SGCZ: variants seen among roughly 807,000 people sequenced by gnomAD.
SGCZ encodes zeta-sarcoglycan.
SGCZ carries 40 observed loss-of-function variants against 41.3 expected under a neutral mutation model. That is an observed-to-expected ratio of 0.97 (90% confidence interval 0.75 to 1.26). The LOEUF (loss-of-function observed/expected upper bound fraction) is 1.26, where lower values mean the gene tolerates loss of function less well. Ranked by LOEUF, SGCZ falls within the 50% of genes most tolerant of loss-of-function variation. The pLI is 0.00. For missense variants in SGCZ, 552 were observed against 369.8 expected (o/e 1.49, Z -4.04); for synonymous variants, 206 against 137.5 (o/e 1.50, Z -3.49).
rs115112534 is a variant in SGCZ at position 15,176,469 on chromosome 8, T to C, written c.39+61116A>G. Among the ~76,000 whole-genome samples, 1,114 of 152,296 alleles carry C rather than the reference T, an allele frequency of 7.3e-3. 13 individuals are homozygous for C. The highest frequency in any genetic ancestry group is 0.026 in the African/African-American group (1,067 of 41,558). ...GACTTTCTATGTTTAGAAAGCATAA[T>C]ACTGTATGTGAATATACCAAGCGGT... On this transcript the variant is annotated intron_variant, in intron 1 of 7. Transcript: ENST00000382080.
At chr8:14,340,718 T>C (rs1172676914) in intron 2 of SGCZ, among the ~76,000 whole-genome samples, 1 of 152,196 alleles carries the variant, frequency 6.6e-6, no homozygotes, top group Non-Finnish European at 1.5e-5. Context: ...AGAAAATCTC[T>C]GATAAATAAT....
chr8:14,530,772 C>T (rs1803104206), intron 2 of SGCZ, among the ~76,000 whole-genome samples: 1 of 146,246 alleles, frequency 6.8e-6, no homozygotes, highest in African/African-American at 2.4e-5. Flanking sequence ...CCCTTTAGCC[C>T]AGAAGCTCAA....
intron 1 of SGCZ, among the ~76,000 whole-genome samples, chr8:15,201,128 C>A (rs975076209): frequency 6.6e-6 from 1 of 152,136 alleles, no homozygotes; most frequent in African/African-American, 2.4e-5. Context: ...GCGATTCTCC[C>A]ACATCAGCCT....
intron 1 of SGCZ, among the ~76,000 whole-genome samples, chr8:15,143,266 T>A (rs1798946190): frequency 6.6e-6 from 1 of 152,174 alleles, no homozygotes; most frequent in Non-Finnish European, 1.5e-5. Context: ...AGAGGAACCT[T>A]ATATATCGGT....
chr8:15,155,929 A>T (rs268418), intron 1 of SGCZ, among the ~76,000 whole-genome samples: 1 of 151,684 alleles, frequency 6.6e-6, no homozygotes, highest in Admixed American at 6.6e-5. Flanking sequence ...GTAGTGGCGC[A>T]CACCTGTAGT....
At chr8:14,398,771 G>C (rs1401475981) in intron 2 of SGCZ, among the ~76,000 whole-genome samples, 2 of 152,088 alleles carry the variant, frequency 1.3e-5, no homozygotes, top group East Asian at 3.9e-4. Context: ...ATAATGTCCA[G>C]CATTGATGTT....
chr8:14,245,343 G>C (rs1407327942), intron 3 of SGCZ, among the ~76,000 whole-genome samples: 2 of 152,160 alleles, frequency 1.3e-5, no homozygotes, highest in Non-Finnish European at 2.9e-5. Flanking sequence ...AAGCAATGGG[G>C]AAAGGATTCC....
At chr8:14,172,592 C>A (rs1341386979) in intron 4 of SGCZ, among the ~76,000 whole-genome samples, 2 of 151,994 alleles carry the variant, frequency 1.3e-5, no homozygotes, top group African/African-American at 4.8e-5. Flanking sequence ...AATTGTCTTT[C>A]AGATATTAGA....
At chr8:14,785,170 G>C (rs1800730727) in intron 1 of SGCZ, among the ~76,000 whole-genome samples, 1 of 151,070 alleles carries the variant, frequency 6.6e-6, no homozygotes, top group South Asian at 2.1e-4. Flanking sequence ...AGTGTTTTAT[G>C]TTTACTTGAT....
intron 1 of SGCZ, among the ~76,000 whole-genome samples, chr8:15,088,072 T>G (rs543913588): frequency 2.0e-5 from 3 of 152,224 alleles, no homozygotes; most frequent in African/African-American, 7.2e-5. Flanking sequence ...CCAATCATAC[T>G]GAATAGAAAA....
chr8:15,157,632 G>C (rs1400609692), intron 1 of SGCZ, among the ~76,000 whole-genome samples: 2 of 152,048 alleles, frequency 1.3e-5, no homozygotes, highest in Admixed American at 6.6e-5. Context: ...TACAGCTCTG[G>C]AACAAGTGAA....
chr8:14,350,996 C>T (rs903611119), intron 2 of SGCZ, among the ~76,000 whole-genome samples: 2 of 152,106 alleles, frequency 1.3e-5, no homozygotes, highest in African/African-American at 2.4e-5. Flanking sequence ...TCTATGCATG[C>T]GTAGGGTCAG....
At chr8:14,296,652 A>G (rs1162910005) in intron 3 of SGCZ, among the ~76,000 whole-genome samples, 1 of 152,180 alleles carries the variant, frequency 6.6e-6, no homozygotes, top group Non-Finnish European at 1.5e-5. Context: ...AATTCAAGGT[A>G]GACTAGGGTA....
intron 1 of SGCZ, among the ~76,000 whole-genome samples, chr8:14,848,405 T>C (rs1327528802): frequency 1.3e-5 from 2 of 152,122 alleles, no homozygotes; most frequent in African/African-American, 2.4e-5. Flanking sequence ...AAACAACGTT[T>C]AAAAAGAGGA....
At chr8:14,853,025 C>T (rs1803392599) in intron 1 of SGCZ, among the ~76,000 whole-genome samples, 1 of 152,180 alleles carries the variant, frequency 6.6e-6, no homozygotes, top group Admixed American at 6.6e-5. Context: ...GCCAGCTCTG[C>T]TTCTGAGGAT....
intron 1 of SGCZ, among the ~76,000 whole-genome samples, chr8:15,091,261 C>A (rs1276916816): frequency 6.6e-6 from 1 of 152,066 alleles, no homozygotes; most frequent in Non-Finnish European, 1.5e-5. Context: ...CTCAAGTGGT[C>A]CTCCCAACTT....
chr8:14,385,761 G>T (rs906833806), intron 2 of SGCZ, among the ~76,000 whole-genome samples: 2 of 152,024 alleles, frequency 1.3e-5, no homozygotes, highest in Non-Finnish European at 2.9e-5. Flanking sequence ...ACAAAATCCA[G>T]GAAGAATGTT....
intron 1 of SGCZ, among the ~76,000 whole-genome samples, chr8:14,596,969 G>C (rs1805432629): frequency 6.6e-6 from 1 of 152,034 alleles, no homozygotes; most frequent in South Asian, 2.1e-4. Context: ...AACCTTTGGG[G>C]AACCCTGAAA....
At chr8:14,799,848 T>C (rs997533155) in intron 1 of SGCZ, among the ~76,000 whole-genome samples, 2 of 152,170 alleles carry the variant, frequency 1.3e-5, no homozygotes. Flanking sequence ...TGTAGTCTTA[T>C]AGCTAAGCAT....
Sources: gnomAD v4.1 joint callset for allele counts (sites outside exome capture counted in the v4.1 genomes callset) on GRCh38, gnomAD v4.1.1 for gene constraint, MANE v1.5 for transcripts, NCBI Gene and HGNC (gene_info 2026-07-23, HGNC 2026-07-21) for gene names.